The following MAGI3 variants were observed in gnomAD, a reference collection of about 807,000 sequenced individuals.
The protein encoded by MAGI3 is membrane associated guanylate kinase, WW and PDZ domain containing 3.
MAGI3 carries 43 observed loss-of-function variants against 121.8 expected under a neutral mutation model. The ratio of observed to expected loss-of-function variants is 0.35; its 90% CI spans 0.28 to 0.46. MAGI3 has a LOEUF of 0.46. MAGI3 is among the 20% of genes least tolerant of loss of function. The probability of loss-of-function intolerance (pLI) is 1.00; values close to 1 mark genes in which losing one functional copy is unlikely to be tolerated. For synonymous variants in MAGI3, 553 were observed against 639.3 expected (o/e 0.86, Z 2.04); for missense variants, 1,547 against 1,797.3 (o/e 0.86, Z 2.52).
chr1:113,487,400 A>G (rs1570747597), intron 1 of MAGI3, among the ~76,000 whole-genome samples: 2 of 152,292 alleles, frequency 1.3e-5, no homozygotes, highest in Middle Eastern at 6.8e-3. Flanking sequence ...TTTTAACTGG[A>G]ATTAATTGTA....
intron 1 of MAGI3, among the ~76,000 whole-genome samples, chr1:113,461,685 A>G (rs1655045467): frequency 6.6e-6 from 1 of 152,204 alleles, no homozygotes. Flanking sequence ...TGACAAAGAC[A>G]CCAAAAGCAA....
At chr1:113,432,227 C>A (rs1015206735) in intron 1 of MAGI3, among the ~76,000 whole-genome samples, 3 of 152,182 alleles carry the variant, frequency 2.0e-5, no homozygotes, top group Admixed American at 2.0e-4. Context: ...AAATAGCCAA[C>A]ACTTATGTTG....
intron 1 of MAGI3, among the ~76,000 whole-genome samples, chr1:113,542,671 T>C (rs992303667): frequency 3.3e-5 from 5 of 152,192 alleles, no homozygotes; most frequent in South Asian, 2.1e-4. Context: ...TAGGCTGTTA[T>C]GAAACAGGAA....
chr1:113,579,840 C>T, intron 2 of MAGI3, among the ~76,000 whole-genome samples: 1 of 152,024 alleles, frequency 6.6e-6, no homozygotes, highest in African/African-American at 2.4e-5. Context: ...AGTGGAGGAA[C>T]AGGTTTGAGA....
chr1:113,416,367 A>AATTC, intron 1 of MAGI3, among the ~76,000 whole-genome samples: 1 of 123,424 alleles, frequency 8.1e-6, no homozygotes, highest in East Asian at 2.2e-4. Context: ...AATTTATATT[A>AATTC]TATTAATATA....
Position 113,574,552 on chromosome 1 carries a change from A to G in MAGI3, c.434-5990A>G, listed in dbSNP as rs116163647. Among the ~76,000 whole-genome samples, 809 of 152,198 alleles carry G rather than the reference A, an allele frequency of 5.3e-3. 4 individuals are homozygous for G. The highest frequency in any genetic ancestry group is 0.019 in the African/African-American group (778 of 41,522). On this transcript the variant is annotated intron_variant, in intron 2 of 20. Coordinates refer to ENST00000307546, the MANE Select transcript of MAGI3 (RefSeq NM_001142782.2). The stretch of plus-strand genomic sequence containing the variant: ...TCTGGCTTGAAGGGTTTCTGCAGAG[A>G]TCTGCTGTGAGTCTGATGGGCTTCC...
chr1:113,400,604 A>G (rs907007454), intron 1 of MAGI3, among the ~76,000 whole-genome samples: 2 of 152,186 alleles, frequency 1.3e-5, no homozygotes, highest in African/African-American at 4.8e-5. Context: ...GAGTTCTCCA[A>G]TATTAATTCC....
intron 9 of MAGI3, among the ~76,000 whole-genome samples, chr1:113,633,108 G>A (rs1432461195): frequency 3.0e-5 from 4 of 132,628 alleles, no homozygotes; most frequent in Non-Finnish European, 1.5e-5. Flanking sequence ...CTGTGTCCAT[G>A]TGTTCTCATT....
chr1:113,447,791 T>C (rs1009063488), intron 1 of MAGI3, among the ~76,000 whole-genome samples: 1 of 152,048 alleles, frequency 6.6e-6, no homozygotes, highest in African/African-American at 2.4e-5. Context: ...GAGGCGGACG[T>C]TGCAGTAGAG....
At chr1:113,595,797 A>G (rs1415146798) in intron 6 of MAGI3, among the ~76,000 whole-genome samples, 1 of 152,200 alleles carries the variant, frequency 6.6e-6, no homozygotes, top group Non-Finnish European at 1.5e-5. Flanking sequence ...AATCACAGCC[A>G]AGGTGGATGG....
chr1:113,605,641 A>G (rs1479044196), intron 6 of MAGI3, among the ~76,000 whole-genome samples: 2 of 151,962 alleles, frequency 1.3e-5, no homozygotes, highest in Non-Finnish European at 2.9e-5. Flanking sequence ...GCTCTGTCGA[A>G]CAGGCTGGAG....
rs1652568466 is a variant in MAGI3, at chr1:113,641,998, A to G, written c.1448A>G (p.Asn483Ser). 4 of 1,614,114 alleles carry G rather than the reference A, an allele frequency of 2.5e-6. No individual in the cohort carries two copies. Among genetic ancestry groups the G allele is most frequent in the Non-Finnish European group, 3.4e-6 (4 of 1,179,988 alleles). Residue 483 changes from asparagine to serine, a missense_variant, in exon 10 of 21, where the codon AAT becomes AGT. Coordinates refer to ENST00000307546, the MANE Select transcript of MAGI3 (RefSeq NM_001142782.2). ...CAGATGTTTCAATTGGTACCTGTCA[A>G]TCAGTATGTAAACCTCACTTTATGT... ...VVQMFQLVPV[N>S]QYVNLTLCRG...
intron 14 of MAGI3, among the ~76,000 whole-genome samples, chr1:113,651,867 T>C (rs977682033): frequency 1.3e-5 from 2 of 152,184 alleles, no homozygotes; most frequent in Non-Finnish European, 2.9e-5. Context: ...TAGCTGAATA[T>C]ACAAAGATTT....
intron 1 of MAGI3, among the ~76,000 whole-genome samples, chr1:113,436,458 A>G (rs554967499): frequency 6.6e-6 from 1 of 152,276 alleles, no homozygotes. Context: ...AGTGAATTTT[A>G]TTCTGTGTTT....
chr1:113,564,083 C>G (rs1021296931), intron 2 of MAGI3, among the ~76,000 whole-genome samples: 2 of 152,218 alleles, frequency 1.3e-5, no homozygotes, highest in East Asian at 3.8e-4. Context: ...ATTAAACTGT[C>G]TCTGTTCAGA....
intron 2 of MAGI3, among the ~76,000 whole-genome samples, chr1:113,558,257 G>C (rs1218527670): frequency 6.6e-6 from 1 of 152,170 alleles, no homozygotes; most frequent in Non-Finnish European, 1.5e-5. Flanking sequence ...GGTTAATAAT[G>C]AACTTCACTG....
intron 6 of MAGI3, among the ~76,000 whole-genome samples, chr1:113,607,216 A>C (rs1163195123): frequency 2.0e-5 from 3 of 152,212 alleles, no homozygotes; most frequent in African/African-American, 4.8e-5. Context: ...AAGAAAAAGA[A>C]ACAAACTAAG....
chr1:113,474,747 T>A (rs186791178), intron 1 of MAGI3, among the ~76,000 whole-genome samples: 1 of 152,284 alleles, frequency 6.6e-6, no homozygotes, highest in East Asian at 1.9e-4. Context: ...CCATATGAAG[T>A]TTAAAGTAGT....
At chr1:113,611,395 T>C (rs1650129306) in intron 6 of MAGI3, among the ~76,000 whole-genome samples, 1 of 152,276 alleles carries the variant, frequency 6.6e-6, no homozygotes, top group African/African-American at 2.4e-5. Context: ...CCCATTTTCA[T>C]AATTATTCAA....
Sources: allele counts gnomAD v4.1 joint callset (sites outside exome capture counted in the v4.1 genomes callset), GRCh38; gene constraint gnomAD v4.1.1; transcripts MANE v1.5; gene names NCBI Gene and HGNC (gene_info 2026-07-23, HGNC 2026-07-21).